ART3: variants seen among roughly 807,000 people sequenced by gnomAD.
The protein encoded by ART3 is ecto-ADP-ribosyltransferase 3.
In ART3, 49 loss-of-function variants were observed where a neutral mutation model predicts 48.5. That is an observed-to-expected ratio of 1.01 (90% confidence interval 0.80 to 1.28). The LOEUF (loss-of-function observed/expected upper bound fraction) is 1.28, where lower values mean the gene tolerates loss of function less well. Ranked by LOEUF, ART3 falls within the 50% of genes most tolerant of loss-of-function variation. The pLI, the probability that ART3 is intolerant of heterozygous loss-of-function variation, is 0.00. For missense variants in ART3, 438 were observed against 454.3 expected, an observed-to-expected ratio of 0.96 and a Z score of 0.33; for synonymous variants, 145 against 157.2, an observed-to-expected ratio of 0.92 and a Z score of 0.58.
At chr4:76,016,893 C>G (rs377684734) in intron 1 of ART3, among the ~76,000 whole-genome samples, 5 of 152,200 alleles carry the variant, frequency 3.3e-5, no homozygotes, top group East Asian at 3.9e-4. Flanking sequence ...CTACCTAACA[C>G]CAATATTCAC....
At chr4:76,059,088 A>G (rs1718941604) in intron 1 of ART3, among the ~76,000 whole-genome samples, 1 of 152,138 alleles carries the variant, frequency 6.6e-6, no homozygotes, top group African/African-American at 2.4e-5. Context: ...TTACACATCC[A>G]GTTAGGTTAC....
At position 76,112,377 on chromosome 4, in the gene ART3, T is replaced by G. The variant is rs368669506; in HGVS notation, c.1037-9T>G. The G allele has an allele frequency of 6.2e-7, 1 of 1,612,264 alleles. No homozygotes were observed. The highest frequency in any genetic ancestry group is 2.2e-5 in the East Asian group (1 of 44,828). ...TGATGTGTCAGTGACTGTGTATTCT[T>G]GTTAACAGCTCCAGGTCCAGTTCCT... is the stretch of plus-strand genomic sequence containing the variant. On this transcript the variant is annotated splice_polypyrimidine_tract_variant and intron_variant, in intron 11 of 11. Coordinates refer to ENST00000355810, the MANE Select transcript of ART3 (RefSeq NM_001130016.3).
At position 76,112,268 on chromosome 4, in the gene ART3, AG is replaced by A. The variant is rs1368752961; in HGVS notation, c.1037-116del. 5 of 1,253,802 alleles carry A rather than the reference AG, an allele frequency of 4.0e-6. No individual in the cohort carries two copies. The African/African-American group carries it at 6.1e-5, about 15-fold the overall frequency. The allele number at this position is 1,253,802 out of a possible 1,614,324, so 77.7% of individuals were successfully genotyped here. A position where few individuals can be genotyped will look rare whatever the true frequency, so the allele number is the denominator to read the frequency against. Reference sequence around the variant, plus strand: ...AATTGCTTTTGGCTGGAAGTATTTCAGGTAAGTTTCTACTTCAACTTTAGTG... The same window carrying A: ...AATTGCTTTTGGCTGGAAGTATTTCAGTAAGTTTCTACTTCAACTTTAGTG... On this transcript the variant is annotated intron_variant, in intron 11 of 11. Transcript: ENST00000355810.
chr4:76,032,776 G>C (rs1733996563), intron 1 of ART3, among the ~76,000 whole-genome samples: 1 of 151,720 alleles, frequency 6.6e-6, no homozygotes, highest in African/African-American at 2.4e-5. Context: ...AGTAGAAATG[G>C]GGTTTCACCA....
intron 1 of ART3, among the ~76,000 whole-genome samples, chr4:76,030,701 C>G (rs10007919): frequency 0.21 from 31,325 of 152,176 alleles, 3,940 homozygotes; most frequent in East Asian, 0.4. Context: ...TTTGCCTACT[C>G]TAGATATTTC....
intron 1 of ART3, among the ~76,000 whole-genome samples, chr4:76,038,696 ATTATTTATTTAT>A (rs58279842): frequency 0.61 from 90,464 of 149,264 alleles, 28,455 homozygotes; most frequent in East Asian, 0.93. Flanking sequence ...TCCACCCTTG[ATTATTTATTTAT>A]TTATTTATTT....
intron 9 of ART3, 73 bp downstream of exon 9, chr4:76,104,042 A>G (rs1727922100): frequency 1.4e-6 from 2 of 1,444,518 alleles, no homozygotes; most frequent in Non-Finnish European, 9.7e-7. Context: ...TTAAGAGAAT[A>G]CTGTCATGAG....
At chr4:76,055,221 C>G (rs901891542) in intron 1 of ART3, among the ~76,000 whole-genome samples, 15 of 152,238 alleles carry the variant, frequency 9.9e-5, no homozygotes, top group Admixed American at 9.2e-4. Context: ...GCTCACTCTT[C>G]AGCTCTGAGT....
chr4:76,033,992 G>C (rs1468587016), intron 1 of ART3: 1 of 153,810 alleles, frequency 6.5e-6, no homozygotes, highest in African/African-American at 2.4e-5. Context: ...TATCCTAATT[G>C]CTTCAAAACA....
chr4:76,044,806 T>C (rs1735340290), intron 1 of ART3, among the ~76,000 whole-genome samples: 1 of 152,068 alleles, frequency 6.6e-6, no homozygotes, highest in South Asian at 2.1e-4. Flanking sequence ...CTTATGCTGC[T>C]GTTCTCCCCT....
At chr4:76,044,070 C>T (rs1178474215) in intron 1 of ART3, among the ~76,000 whole-genome samples, 2 of 151,884 alleles carry the variant, frequency 1.3e-5, no homozygotes, top group Non-Finnish European at 2.9e-5. Context: ...GTAAGACCAT[C>T]TGTAGCTTGA....
chr4:76,100,521 C>T (rs1298358842), intron 6 of ART3, among the ~76,000 whole-genome samples: 4 of 151,784 alleles, frequency 2.6e-5, no homozygotes, highest in Non-Finnish European at 4.4e-5. Flanking sequence ...GTCCCAGCTA[C>T]TCGGGAGGCT....
At chr4:76,079,584 C>A (rs193104840) in intron 2 of ART3, among the ~76,000 whole-genome samples, 3 of 152,038 alleles carry the variant, frequency 2.0e-5, no homozygotes, top group African/African-American at 7.3e-5. Context: ...TTAGAAAATA[C>A]GTAGCCTTGA....
chr4:76,079,464 G>A (rs867361147), intron 2 of ART3, among the ~76,000 whole-genome samples: 1 of 152,176 alleles, frequency 6.6e-6, no homozygotes, highest in Non-Finnish European at 1.5e-5. Context: ...TAAGTAGGCA[G>A]ATAAATTTGA....
chr4:76,070,743 A>G (rs998317505), upstream of ART3, among the ~76,000 whole-genome samples: 4 of 152,172 alleles, frequency 2.6e-5, no homozygotes, highest in Non-Finnish European at 5.9e-5. Context: ...AATTTCTTCA[A>G]GTCTCTGTCA....
chr4:76,057,887 A>G (rs1245368015), intron 1 of ART3: 1 of 152,230 alleles, frequency 6.6e-6, no homozygotes, highest in Non-Finnish European at 1.5e-5. Flanking sequence ...TTAATCCTTC[A>G]AAGAATAATT....
At chr4:76,102,889 T>G (rs17001389) in intron 8 of ART3, among the ~76,000 whole-genome samples, 4,314 of 152,192 alleles carry the variant, frequency 0.028, 161 homozygotes, top group African/African-American at 0.087. Context: ...GTCTTTGGGT[T>G]GAATTTTTAA....
At chr4:76,081,378 C>T (rs1223842012) in intron 2 of ART3, among the ~76,000 whole-genome samples, 1 of 152,148 alleles carries the variant, frequency 6.6e-6, no homozygotes, top group African/African-American at 2.4e-5. Flanking sequence ...GAGGGGGCAA[C>T]CCCAAAGGAA....
At chr4:76,105,389 T>C in intron 10 of ART3, 4 of 811,106 alleles carry the variant, frequency 4.9e-6, no homozygotes, top group Non-Finnish European at 6.5e-6. Flanking sequence ...ATCTGTAAAA[T>C]GAGGAAAGCT....
Sources: allele counts gnomAD v4.1 joint callset (sites outside exome capture counted in the v4.1 genomes callset), GRCh38; gene constraint gnomAD v4.1.1; transcripts MANE v1.5; gene names NCBI Gene and HGNC (gene_info 2026-07-23, HGNC 2026-07-21).